CCDC175: variants seen among roughly 807,000 people sequenced by gnomAD.
CCDC175 encodes coiled-coil domain-containing protein 175.
CCDC175 carries 100 observed loss-of-function variants against 114.6 expected under a neutral mutation model. That is an observed-to-expected ratio of 0.87 (90% CI 0.74 to 1.03). The LOEUF is 1.03. Among genes scored for constraint, CCDC175 ranks in the 50% least tolerant of loss-of-function variants. The pLI is 0.00. For synonymous variants in CCDC175, 306 were observed against 308.7 expected, an observed-to-expected ratio of 0.99 and a Z score of 0.09; for missense variants, 880 against 917.8, an observed-to-expected ratio of 0.96 and a Z score of 0.53.
At chr14:59,506,980 TAA>T (rs1892454827) in intron 19 of CCDC175, among the ~76,000 whole-genome samples, 1 of 152,242 alleles carries the variant, frequency 6.6e-6, no homozygotes, top group Admixed American at 6.5e-5. Flanking sequence ...TTTGTAATTT[TAA>T]GACAAAATTC....
intron 7 of CCDC175, 150 bp from the exon 8 acceptor site, chr14:59,551,586 G>A (rs573138486): frequency 3.9e-5 from 19 of 492,444 alleles, no homozygotes; most frequent in Non-Finnish European, 5.0e-5. Context: ...CCGAAGTACC[G>A]GGTTCATCTC....
intron 16 of CCDC175, among the ~76,000 whole-genome samples, chr14:59,523,715 C>T (rs933080919): frequency 2.0e-5 from 3 of 152,156 alleles, no homozygotes; most frequent in Non-Finnish European, 4.4e-5. Context: ...TTCAGCCGGG[C>T]GCGGTGGCTC....
chr14:59,511,726 T>G, intron 18 of CCDC175, 34 bp downstream of exon 18: 1 of 1,518,374 alleles, frequency 6.6e-7, no homozygotes, highest in Non-Finnish European at 8.8e-7. Context: ...AATATGATAT[T>G]TATATGGAGG....
In CCDC175 at chr14:59,525,413, G is replaced by T. The variant is rs549657627; in HGVS notation, c.1864C>A (p.Gln622Lys). 7 of 1,511,964 alleles carry T rather than the reference G, an allele frequency of 4.6e-6. No individual in the cohort carries two copies. The South Asian group carries it at 5.0e-5, about 11-fold the overall frequency. 93.7% of individuals were successfully genotyped at this position (1,511,964 alleles called of 1,614,324 possible). A position where few individuals can be genotyped will look rare whatever the true frequency, so the allele number is the denominator to read the frequency against. The change falls in exon 16 of 20, where the codon CAA becomes AAA. Residue 622 changes from glutamine to lysine, a missense_variant. Coordinates refer to ENST00000537690, the MANE Select transcript of CCDC175 (RefSeq NM_001164399.2). ...TTGCTTTCTTGATCTCGTAATTGTTGTAATTCTTGTTTTACATCTTCCTGC... is the reference window on the plus strand; with the variant it reads ...TTGCTTTCTTGATCTCGTAATTGTTTTAATTCTTGTTTTACATCTTCCTGC... ...SNMEDVKQEL[Q>K]QLRDQESKKN...
At chr14:59,545,054 A>G in intron 9 of CCDC175, 109 bp downstream of exon 9, 1 of 1,119,262 alleles carries the variant, frequency 8.9e-7, no homozygotes, top group South Asian at 1.7e-5. Context: ...ATTTTTGTCA[A>G]TAGATTTTAA....
rs1216084508 is a variant in CCDC175 at position 59,551,346 on chromosome 14, C to A, written c.1035+9G>T. ...TATAATGTAAAAGTCATGACTTCTG[C>A]CTTCTTACCTGTTTTATCTTGTTCA... On this transcript the variant is annotated intron_variant, in intron 8 of 19. Transcript: ENST00000537690. The A allele has an allele frequency of 8.1e-7, 1 of 1,231,906 alleles. No homozygotes were observed. The highest frequency in any genetic ancestry group is 2.8e-5 in the East Asian group (1 of 35,702). The allele number at this position is 1,231,906 out of a possible 1,614,324, so 76.3% of individuals were successfully genotyped here. A position where few individuals can be genotyped will look rare whatever the true frequency, so the allele number is the denominator to read the frequency against.
chr14:59,568,999 C>T (rs1355952624), intron 3 of CCDC175, among the ~76,000 whole-genome samples: 1 of 152,196 alleles, frequency 6.6e-6, no homozygotes, highest in African/African-American at 2.4e-5. Context: ...AAGCCATTGC[C>T]TCAGGCTCTG....
chr14:59,526,963 C>T, intron 15 of CCDC175, 132 bp downstream of exon 15: 2 of 535,246 alleles, frequency 3.7e-6, no homozygotes, highest in Admixed American at 3.9e-5. Flanking sequence ...GATTGTTAAA[C>T]ATTGATATTG....
intron 7 of CCDC175, 49 bp downstream of exon 7, chr14:59,561,070 T>G: frequency 1.1e-6 from 1 of 921,346 alleles, no homozygotes; most frequent in Non-Finnish European, 1.7e-6. Context: ...TATTATATCA[T>G]ATTAACATAT....
In CCDC175 at chr14:59,534,226, T is replaced by C. The variant is rs116680572; in HGVS notation, c.1624-2316A>G. ...GTTGCTTGCCTGTGGGCTCAGGTTG[T>C]TGGAGTGGGGCAGCCAGTCAGGTTC... On this transcript the variant is annotated intron_variant, in intron 13 of 19. Transcript: ENST00000537690. Among the ~76,000 whole-genome samples the C allele has an allele frequency of 7.6e-3, 1,153 of 152,246 alleles. 14 individuals carry two copies. Among genetic ancestry groups the C allele is most frequent in the African/African-American group, 0.026 (1,091 of 41,532 alleles).
At chr14:59,576,024 C>T (rs1195186699) in intron 1 of CCDC175, among the ~76,000 whole-genome samples, 1 of 152,104 alleles carries the variant, frequency 6.6e-6, no homozygotes, top group Non-Finnish European at 1.5e-5. Flanking sequence ...ACAAGAAACA[C>T]CCTTTCTTGG....
At chr14:59,545,426 G>A in intron 8 of CCDC175, 127 bp from the exon 9 acceptor site, 1 of 691,138 alleles carries the variant, frequency 1.4e-6, no homozygotes, top group Admixed American at 3.1e-5. Context: ...TGCCATAAAT[G>A]CCGAGTGATT....
chr14:59,511,059 G>A (rs969407133), intron 18 of CCDC175, among the ~76,000 whole-genome samples: 1 of 152,170 alleles, frequency 6.6e-6, no homozygotes, highest in Non-Finnish European at 1.5e-5. Flanking sequence ...TGGTAGCCAT[G>A]GTGGTGGCAG....
chr14:59,565,218 T>TTG lies in CCDC175; in HGVS notation c.547_548dup (p.Gln183HisfsTer14), dbSNP rs763693842. ...TGGTGGTGGCTTTTTTCTCCATAGT[T>TTG]TGGTTGAGTGACAGGACAAACCTTG... On this transcript the variant is annotated frameshift_variant, in exon 5 of 20. Coordinates refer to ENST00000537690, the MANE Select transcript of CCDC175 (RefSeq NM_001164399.2). LOFTEE classifies it high-confidence loss of function. 31 of 1,537,834 alleles carry TTG rather than the reference T, an allele frequency of 2.0e-5. 1 individual carries two copies. In the South Asian group the frequency reaches 3.3e-4, roughly 17 times the overall value.
chr14:59,561,004 T>C (rs993628260), intron 7 of CCDC175, 115 bp downstream of exon 7: 9 of 538,578 alleles, frequency 1.7e-5, no homozygotes, highest in Non-Finnish European at 2.5e-5. Context: ...GAGAATATAA[T>C]TTTCATGTCA....
At chr14:59,552,609 C>G (rs2140077174) in intron 7 of CCDC175, among the ~76,000 whole-genome samples, 1 of 152,260 alleles carries the variant, frequency 6.6e-6, no homozygotes, top group African/African-American at 2.4e-5. Context: ...TGGAACAAAG[C>G]TGGATGGAGA....
chr14:59,565,676 T>C (rs1015044352), intron 4 of CCDC175, among the ~76,000 whole-genome samples: 2 of 151,752 alleles, frequency 1.3e-5, no homozygotes, highest in Non-Finnish European at 2.9e-5. Flanking sequence ...CACTGCACTC[T>C]AGCCTGAGTG....
chr14:59,530,192 C>T (rs185117982), intron 14 of CCDC175, among the ~76,000 whole-genome samples: 73 of 151,912 alleles, frequency 4.8e-4, no homozygotes, highest in Admixed American at 9.2e-4. Flanking sequence ...CATGGTGAAA[C>T]CCCATCTCTA....
At chr14:59,557,817 C>T (rs1595063104) in intron 7 of CCDC175, among the ~76,000 whole-genome samples, 1 of 152,078 alleles carries the variant, frequency 6.6e-6, no homozygotes, top group East Asian at 1.9e-4. Context: ...AATTATTGAA[C>T]ACATACGCTG....
Sources: gnomAD v4.1 joint callset for allele counts (sites outside exome capture counted in the v4.1 genomes callset) on GRCh38, gnomAD v4.1.1 for gene constraint, MANE v1.5 for transcripts, NCBI Gene and HGNC (gene_info 2026-07-23, HGNC 2026-07-21) for gene names.